ARHGEF28: variants seen among roughly 807,000 people sequenced by gnomAD.
ARHGEF28 encodes the protein 190 kDa guanine nucleotide exchange factor.
Under a neutral mutation model 206.6 loss-of-function variants are expected in ARHGEF28, and 152 were observed. That is an observed-to-expected ratio of 0.74 (90% CI 0.64 to 0.84). ARHGEF28 has a LOEUF of 0.84. Among genes scored for constraint, ARHGEF28 ranks in the 40% least tolerant of loss-of-function variants. The pLI is 0.00. For missense variants in ARHGEF28, 2,028 were observed against 2,073.2 expected, an observed-to-expected ratio of 0.98 and a Z score of 0.42; for synonymous variants, 763 against 776.4, an observed-to-expected ratio of 0.98 and a Z score of 0.29.
intron 33 of ARHGEF28, chr5:73,904,656 AT>A (rs1198585229): frequency 1.8e-5 from 9 of 496,594 alleles, no homozygotes; most frequent in South Asian, 3.6e-5. Context: ...ATTGATGAAT[AT>A]GATCTGGCTT....
intron 1 of ARHGEF28, among the ~76,000 whole-genome samples, chr5:73,684,574 C>A (rs570206740): frequency 6.6e-6 from 1 of 152,298 alleles, no homozygotes; most frequent in African/African-American, 2.4e-5. Context: ...GCTTTCAATT[C>A]TTTGGGTATA....
Position 73,741,341 on chromosome 5 carries a change from ATGTGTGTGTGTGTG to A in ARHGEF28, c.34-8464_34-8451del, listed in dbSNP as rs369851573. ...AAAGTCGTCTAGATTTTAAATTTATATGTGTGTGTGTGTGTGTGTGTGTGTGTGTGTGTGTGTGT... is the reference window on the plus strand; with the variant it reads ...AAAGTCGTCTAGATTTTAAATTTATATGTGTGTGTGTGTGTGTGTGTGTGT... On this transcript the variant is annotated intron_variant, in intron 2 of 35. Transcript: ENST00000513042. Among the ~76,000 whole-genome samples the A allele has an allele frequency of 5.6e-3, 373 of 66,068 alleles. 1 individual carries two copies. Among genetic ancestry groups the A allele is most frequent in the Middle Eastern group, 8.1e-3 (1 of 124 alleles). The allele number at this position is 66,068 out of a possible 152,430, so 43.3% of individuals were successfully genotyped here. A position where few individuals can be genotyped will look rare whatever the true frequency, so the allele number is the denominator to read the frequency against.
chr5:73,807,259 A>C (rs1184948227), intron 9 of ARHGEF28, among the ~76,000 whole-genome samples: 1 of 152,076 alleles, frequency 6.6e-6, no homozygotes, highest in Admixed American at 6.6e-5. Context: ...TGTGTTGCCT[A>C]TGCAAGATAA....
chr5:73,827,289 G>A (rs1460516213), intron 9 of ARHGEF28, among the ~76,000 whole-genome samples: 1 of 152,174 alleles, frequency 6.6e-6, no homozygotes, highest in Non-Finnish European at 1.5e-5. Context: ...AATGTTTTGT[G>A]CATGCCAGTG....
At chr5:73,737,502 CTTTTCTTTTCTTTTCT>C (rs959022691) in intron 2 of ARHGEF28, among the ~76,000 whole-genome samples, 2 of 93,270 alleles carry the variant, frequency 2.1e-5, no homozygotes, top group Admixed American at 2.2e-4. Context: ...CTTTTCTTTT[CTTTTCTTTTCTTTTCT>C]TTTCTTTTTT....
intron 4 of ARHGEF28, among the ~76,000 whole-genome samples, chr5:73,770,573 A>G (rs1009306264): frequency 6.6e-6 from 1 of 152,230 alleles, no homozygotes; most frequent in East Asian, 1.9e-4. Context: ...ACCTCTGCCA[A>G]ATTGTATAAC....
intron 9 of ARHGEF28, among the ~76,000 whole-genome samples, chr5:73,831,796 C>T (rs13156849): frequency 0.13 from 19,161 of 152,262 alleles, 1,289 homozygotes; most frequent in East Asian, 0.2. Context: ...GGTTCAAGTG[C>T]TTCTCCTTTG....
chr5:73,719,213 C>T (rs1008238080), intron 2 of ARHGEF28, among the ~76,000 whole-genome samples: 2 of 152,118 alleles, frequency 1.3e-5, no homozygotes, highest in Admixed American at 1.3e-4. Flanking sequence ...GCTTTGTCTT[C>T]CACAAAAGCG....
At chr5:73,932,331 C>G (rs1043734042) in intron 35 of ARHGEF28, among the ~76,000 whole-genome samples, 1 of 152,198 alleles carries the variant, frequency 6.6e-6, no homozygotes, top group Non-Finnish European at 1.5e-5. Context: ...TAATAATTTA[C>G]AGCCTGTTTC....
chr5:73,879,945 G>A (rs937077926), intron 22 of ARHGEF28, among the ~76,000 whole-genome samples: 16 of 152,222 alleles, frequency 1.1e-4, no homozygotes, highest in African/African-American at 3.9e-4. Context: ...GAGAACCACT[G>A]CTGTCTTCAA....
At chr5:73,767,326 G>A (rs1370602213) in intron 4 of ARHGEF28, among the ~76,000 whole-genome samples, 1 of 152,184 alleles carries the variant, frequency 6.6e-6, no homozygotes, top group Non-Finnish European at 1.5e-5. Context: ...ACAGGCAGGG[G>A]TTGGAACAAT....
At chr5:73,776,269 A>G (rs1753535932) in intron 5 of ARHGEF28, among the ~76,000 whole-genome samples, 1 of 152,236 alleles carries the variant, frequency 6.6e-6, no homozygotes, top group Non-Finnish European at 1.5e-5. Context: ...TTCATTCTTT[A>G]TGTAAACCTT....
chr5:73,923,122 T>A, intron 35 of ARHGEF28: 1 of 1,535,844 alleles, frequency 6.5e-7, no homozygotes, highest in South Asian at 1.2e-5. Context: ...TACGTTGACA[T>A]CTCCCCCGGG....
chr5:73,776,674 G>A lies in ARHGEF28; in HGVS notation c.818G>A (p.Trp273Ter). The A allele has an allele frequency of 6.2e-7, 1 of 1,613,210 alleles. No individual in the cohort carries two copies. Among genetic ancestry groups the A allele is most frequent in the Non-Finnish European group, 8.5e-7 (1 of 1,179,440 alleles). ...ADIKLFRKYF[W>*]DRAFLVKAFE... ...ATTAAACTCTTCCGGAAATACTTTT[G>A]GGATAGAGCCTTTCTTGTCAAGGTT... Residue 273 changes from tryptophan (W) to a stop codon, truncating the protein, a stop_gained, in exon 6 of 36, where the codon TGG becomes TAG. Transcript: ENST00000513042. LOFTEE classifies it high-confidence loss of function.
intron 14 of ARHGEF28, among the ~76,000 whole-genome samples, chr5:73,855,117 A>C (rs1157888434): frequency 1.3e-5 from 2 of 152,296 alleles, no homozygotes; most frequent in African/African-American, 4.8e-5. Context: ...CAAATGTAAA[A>C]GCTATTTAAA....
intron 35 of ARHGEF28, among the ~76,000 whole-genome samples, chr5:73,939,465 A>C (rs981673309): frequency 5.9e-5 from 9 of 152,166 alleles, no homozygotes; most frequent in African/African-American, 2.2e-4. Context: ...CTGTGGTTGC[A>C]GCCTCACCCC....
At chr5:73,837,547 T>C (rs1170026675) in intron 10 of ARHGEF28, among the ~76,000 whole-genome samples, 1 of 151,954 alleles carries the variant, frequency 6.6e-6, no homozygotes, top group Non-Finnish European at 1.5e-5. Context: ...TCCATTTACC[T>C]CAAGTAACTA....
chr5:73,880,330 C>T (rs1760835467), intron 22 of ARHGEF28, among the ~76,000 whole-genome samples: 2 of 152,210 alleles, frequency 1.3e-5, no homozygotes, highest in South Asian at 4.1e-4. Flanking sequence ...TGCCGTCTGT[C>T]ACCCCTTTCC....
chr5:73,895,955 G>T (rs1761939692), intron 29 of ARHGEF28, among the ~76,000 whole-genome samples: 1 of 152,192 alleles, frequency 6.6e-6, no homozygotes, highest in African/African-American at 2.4e-5. Context: ...GAGGTCTGAA[G>T]TAGGGTTCAC....
Sources: allele counts gnomAD v4.1 joint callset (sites outside exome capture counted in the v4.1 genomes callset), GRCh38; gene constraint gnomAD v4.1.1; transcripts MANE v1.5; gene names NCBI Gene and HGNC (gene_info 2026-07-23, HGNC 2026-07-21).